Variants in CNTNAP2 observed in about 807,000 individuals in gnomAD.
CNTNAP2 encodes contactin-associated protein-like 2.
Under a neutral mutation model 155.2 loss-of-function variants are expected in CNTNAP2, and 98 were observed. The ratio of observed to expected loss-of-function variants is 0.63; its 90% CI spans 0.54 to 0.75. The LOEUF is 0.75. CNTNAP2 is among the 30% of genes least tolerant of loss of function. CNTNAP2 has a pLI of 0.00. For missense variants in CNTNAP2, 1,727 were observed against 1,688.1 expected, an observed-to-expected ratio of 1.02 and a Z score of -0.40; for synonymous variants, 651 against 631.2, an observed-to-expected ratio of 1.03 and a Z score of -0.47.
chr7:146,990,105 C>A lies in CNTNAP2; in HGVS notation c.403-53802C>A, dbSNP rs558621254. The stretch of plus-strand genomic sequence containing the variant: ...TAAAAAAAAAGGGGTTGAGGATTTG[C>A]AAGAGGACATAGTTACACAGATCTA... On this transcript the variant is annotated intron_variant, in intron 3 of 23. Coordinates refer to ENST00000361727, the MANE Select transcript of CNTNAP2 (RefSeq NM_014141.6). 3.4e-4 allele frequency among the ~76,000 whole-genome samples: 52 copies of A among 152,144 alleles called. No individual in the cohort carries two copies. The East Asian group carries it at 9.5e-3, about 28-fold the overall frequency.
chr7:147,900,589 T>A (rs1799851040), intron 13 of CNTNAP2, among the ~76,000 whole-genome samples: 1 of 152,174 alleles, frequency 6.6e-6, no homozygotes, highest in Non-Finnish European at 1.5e-5. Context: ...GAAATCATTC[T>A]TGGGTTTTGG....
intron 10 of CNTNAP2, among the ~76,000 whole-genome samples, chr7:147,481,835 A>T (rs1292364279): frequency 1.3e-5 from 2 of 152,186 alleles, no homozygotes; most frequent in Non-Finnish European, 1.5e-5. Context: ...TTCATTTTTG[A>T]TGTGAACCAA....
At chr7:148,180,807 T>G (rs537818602) in intron 18 of CNTNAP2, among the ~76,000 whole-genome samples, 2 of 152,306 alleles carry the variant, frequency 1.3e-5, no homozygotes, top group South Asian at 4.1e-4. Context: ...AAGGAGGTGC[T>G]TTAGCCCCTA....
intron 3 of CNTNAP2, among the ~76,000 whole-genome samples, chr7:146,917,364 C>T (rs1231449524): frequency 6.6e-6 from 1 of 152,100 alleles, no homozygotes; most frequent in African/African-American, 2.4e-5. Flanking sequence ...TGTTTGTTGA[C>T]TTTCTGTCTT....
chr7:146,665,056 C>A (rs1333515095), intron 1 of CNTNAP2, among the ~76,000 whole-genome samples: 3 of 152,150 alleles, frequency 2.0e-5, no homozygotes, highest in Non-Finnish European at 4.4e-5. Context: ...TCAAGCGCTT[C>A]TCGTGCCTTA....
chr7:148,128,112 A>G (rs972293770), intron 16 of CNTNAP2, among the ~76,000 whole-genome samples: 2 of 151,858 alleles, frequency 1.3e-5, no homozygotes, highest in Non-Finnish European at 2.9e-5. Context: ...CAAGCGATCC[A>G]CCCGCCTCAG....
chr7:147,486,169 T>G (rs1798507182), intron 11 of CNTNAP2, 128 bp downstream of exon 11: 5 of 684,762 alleles, frequency 7.3e-6, no homozygotes, highest in Non-Finnish European at 1.2e-5. Context: ...AAACCAAGAT[T>G]CCAATTGTCA....
At chr7:146,475,962 G>C (rs1030185282) in intron 1 of CNTNAP2, among the ~76,000 whole-genome samples, 4 of 151,962 alleles carry the variant, frequency 2.6e-5, no homozygotes, top group African/African-American at 7.3e-5. Flanking sequence ...TATCCTAAAG[G>C]CACTCTAAAT....
intron 13 of CNTNAP2, among the ~76,000 whole-genome samples, chr7:147,679,141 G>A (rs148731974): frequency 1.3e-5 from 2 of 151,992 alleles, no homozygotes; most frequent in African/African-American, 4.8e-5. Context: ...GAAGAGCAGA[G>A]TGATATATGA....
At chr7:147,302,851 C>A (rs551884950) in intron 9 of CNTNAP2, among the ~76,000 whole-genome samples, 11 of 152,322 alleles carry the variant, frequency 7.2e-5, no homozygotes, top group Admixed American at 2.0e-4. Flanking sequence ...TTATGATGCC[C>A]ATAAACATAT....
At chr7:147,474,894 T>G (rs1798288276) in intron 10 of CNTNAP2, among the ~76,000 whole-genome samples, 1 of 152,084 alleles carries the variant, frequency 6.6e-6, no homozygotes, top group African/African-American at 2.4e-5. Flanking sequence ...GAGGGGAAAA[T>G]GGAGATTTCT....
At chr7:147,982,416 C>T (rs992901732) in intron 15 of CNTNAP2, among the ~76,000 whole-genome samples, 1 of 152,154 alleles carries the variant, frequency 6.6e-6, no homozygotes, top group Non-Finnish European at 1.5e-5. Context: ...GTGAAGCTGG[C>T]AGACAGAGCA....
intron 13 of CNTNAP2, among the ~76,000 whole-genome samples, chr7:147,786,639 A>G (rs1279459680): frequency 6.6e-6 from 1 of 152,116 alleles, no homozygotes; most frequent in Non-Finnish European, 1.5e-5. Flanking sequence ...GAGATATTTG[A>G]GAGAACTCTT....
intron 2 of CNTNAP2, among the ~76,000 whole-genome samples, chr7:146,790,820 C>T (rs572098308): frequency 3.1e-3 from 468 of 152,164 alleles, no homozygotes; most frequent in African/African-American, 0.01. Flanking sequence ...CCGCCCACCT[C>T]GGCCTCCCAA....
chr7:146,953,926 G>A (rs1797376681), intron 3 of CNTNAP2, among the ~76,000 whole-genome samples: 1 of 151,894 alleles, frequency 6.6e-6, no homozygotes, highest in Non-Finnish European at 1.5e-5. Context: ...ATATTGAAAT[G>A]TAAATTAAAG....
At chr7:147,280,266 T>C (rs559230521) in intron 8 of CNTNAP2, among the ~76,000 whole-genome samples, 1 of 151,862 alleles carries the variant, frequency 6.6e-6, no homozygotes, top group Non-Finnish European at 1.5e-5. Context: ...ATTAAACAAC[T>C]GAGGCTTTTA....
At chr7:146,284,568 T>C (rs929161447) in intron 1 of CNTNAP2, among the ~76,000 whole-genome samples, 18 of 152,240 alleles carry the variant, frequency 1.2e-4, no homozygotes, top group Admixed American at 9.2e-4. Flanking sequence ...TTGCACACAA[T>C]CTACTTAGCT....
chr7:146,893,271 C>A (rs181448850), intron 3 of CNTNAP2, among the ~76,000 whole-genome samples: 4 of 151,846 alleles, frequency 2.6e-5, no homozygotes, highest in Non-Finnish European at 5.9e-5. Context: ...AATTTTATAC[C>A]TTTGACAGAT....
intron 3 of CNTNAP2, among the ~76,000 whole-genome samples, chr7:146,974,925 T>C (rs1296102962): frequency 6.6e-6 from 1 of 152,074 alleles, no homozygotes; most frequent in East Asian, 1.9e-4. Flanking sequence ...GAGGCAGAGG[T>C]TGCAGTGAGC....
Sources: gnomAD v4.1 joint callset for allele counts (sites outside exome capture counted in the v4.1 genomes callset) on GRCh38, gnomAD v4.1.1 for gene constraint, MANE v1.5 for transcripts, NCBI Gene and HGNC (gene_info 2026-07-23, HGNC 2026-07-21) for gene names.